SAFB2: variants seen among roughly 807,000 people sequenced by gnomAD.
SAFB2 encodes scaffold attachment factor B2.
A neutral mutation model predicts 100.6 loss-of-function variants in SAFB2; 32 were observed. That is an observed-to-expected ratio of 0.32 (90% CI 0.24 to 0.43). The LOEUF (loss-of-function observed/expected upper bound fraction) is 0.43. Among genes scored for constraint, SAFB2 ranks in the 20% least tolerant of loss-of-function variants. The pLI, the probability that SAFB2 is intolerant of heterozygous loss-of-function variation, is 1.00. For missense variants in SAFB2, 1,185 were observed against 1,163.4 expected (o/e 1.02, Z -0.27); for synonymous variants, 500 against 439.4 (o/e 1.14, Z -1.72).
At chr19:5,594,258 T>C (rs2052488732) in intron 14 of SAFB2, 80 bp from the exon 15 acceptor site, 1 of 1,437,282 alleles carries the variant, frequency 7.0e-7, no homozygotes, top group East Asian at 2.5e-5. Flanking sequence ...ACTGGGTGTG[T>C]ATTGGAAGCA....
Position 5,592,766 on chromosome 19 carries a change from G to C in SAFB2, c.2329C>G (p.Gln777Glu). 1 of 1,614,160 alleles carries C rather than the reference G, an allele frequency of 6.2e-7. No individual in the cohort carries two copies. The stretch of plus-strand genomic sequence containing the variant: ...ACTGACCTGTCGATGGCGTGGTCCT[G>C]GTACTGGCCCCGGTCTCGATGATCG... Reference protein sequence around the residue: ...DFDHRDRGQYQDHAIDRREGS... With the variant: ...DFDHRDRGQYEDHAIDRREGS... Residue 777 changes from glutamine to glutamate, a missense_variant, in exon 16 of 21, where the codon CAG (glutamine) becomes GAG (glutamate). Gln to Glu is a conservative substitution (Grantham distance 29). Transcript: ENST00000252542.
intron 17 of SAFB2, chr19:5,591,194 C>T (rs368302051): frequency 1.2e-4 from 19 of 152,194 alleles, no homozygotes; most frequent in East Asian, 5.8e-4. Context: ...AGGTTTCTAC[C>T]GGATACAATG....
chr19:5,603,854 GGAT>G (rs752216983), intron 11 of SAFB2, among the ~76,000 whole-genome samples: 13 of 152,178 alleles, frequency 8.5e-5, no homozygotes, highest in Non-Finnish European at 1.6e-4. Context: ...AAATTCCTTT[GGAT>G]GATGCTTTAT....
At chr19:5,613,031 T>G (rs1206681022) in intron 5 of SAFB2, among the ~76,000 whole-genome samples, 1 of 152,250 alleles carries the variant, frequency 6.6e-6, no homozygotes, top group African/African-American at 2.4e-5. Flanking sequence ...ATAGGTCCAA[T>G]CCTTCTGGTG....
rs2052266716 is a variant in SAFB2 at position 5,587,101 on chromosome 19, A to AG, written c.*141_*142insC. On this transcript the variant is annotated 3_prime_UTR_variant, in exon 21 of 21. Coordinates refer to ENST00000252542, the MANE Select transcript of SAFB2 (RefSeq NM_014649.3). This position sits in a 1 kb window ranked among gnomAD's most constrained non-coding sequence, Gnocchi z 4.9. ...AACACATTTATTTAAAAAAAAAAAA[A>AG]AAGTGAGTTCACATTGTATTGAGCT... 1 of 1,123,734 alleles carries AG rather than the reference A, an allele frequency of 8.9e-7. No homozygotes were observed. Among genetic ancestry groups the AG allele is most frequent in the Non-Finnish European group, 1.2e-6 (1 of 801,184 alleles). The allele number at this position is 1,123,734 out of a possible 1,614,324, so 69.6% of individuals were successfully genotyped here. A position where few individuals can be genotyped will look rare whatever the true frequency, so the allele number is the denominator to read the frequency against.
chr19:5,610,279 G>A (rs1050282925), intron 8 of SAFB2, 184 bp from the exon 9 acceptor site: 4 of 604,348 alleles, frequency 6.6e-6, no homozygotes, highest in Non-Finnish European at 1.2e-5. Context: ...CAAAAACTGA[G>A]TTTCCTTACT....
chr19:5,587,877 T>G lies in SAFB2; in HGVS notation c.2629A>C (p.Arg877=), dbSNP rs762492802. 6.2e-7 allele frequency: 1 copy of G among 1,611,076 alleles called. No individual in the cohort carries two copies. Among genetic ancestry groups the G allele is most frequent in the African/African-American group, 1.3e-5 (1 of 75,024 alleles). The part of the protein sequence containing the change: ...DAGAASREHA[R]WQGGERGLSG... ...GGAGCCAGCCCCGTACCTTGCCACC[T>G]GGCGTGCTCCCGGCTAGCCGCGCCT... is the stretch of plus-strand genomic sequence containing the variant. Residue 877 remains arginine (R), a synonymous_variant, in exon 19 of 21, where the codon AGG becomes CGG. Coordinates refer to ENST00000252542, the MANE Select transcript of SAFB2 (RefSeq NM_014649.3). The surrounding 1 kb of genome is among the most constrained non-coding windows in gnomAD (Gnocchi z 4.9).
At chr19:5,591,430 C>T in intron 17 of SAFB2, 1 of 236,944 alleles carries the variant, frequency 4.2e-6, no homozygotes, top group South Asian at 6.8e-5. Flanking sequence ...AGGCACTCGC[C>T]ACCATGCCTG....
chr19:5,595,415 T>C lies in SAFB2; in HGVS notation c.1865A>G (p.Glu622Gly). 1.2e-6 allele frequency: 2 copies of C among 1,613,558 alleles called. No homozygotes were observed. The highest frequency in any genetic ancestry group is 1.1e-5 in the South Asian group (1 of 91,076). ...TTCCCGCTGCCTCTGGCGCTCTCTC[T>C]CCCTTTGTTCTTTGATTTTATCAAA... ...LSFDKIKEQR[E>G]RERQRQRERE... Residue 622 changes from glutamate to glycine, a missense_variant, in exon 14 of 21, where the codon GAG becomes GGG. Physicochemically the swap from Glu to Gly is moderately conservative, Grantham distance 98. Coordinates refer to ENST00000252542, the MANE Select transcript of SAFB2 (RefSeq NM_014649.3).
At chr19:5,607,711 G>A (rs1246581083) in intron 9 of SAFB2, among the ~76,000 whole-genome samples, 2 of 152,250 alleles carry the variant, frequency 1.3e-5, no homozygotes, top group Non-Finnish European at 2.9e-5. Context: ...CCGGGACACA[G>A]GAGTCCTGGT....
At chr19:5,593,197 T>C (rs997077675) in intron 15 of SAFB2, among the ~76,000 whole-genome samples, 2 of 152,190 alleles carry the variant, frequency 1.3e-5, no homozygotes, top group African/African-American at 4.8e-5. Context: ...AAAGAAATAT[T>C]TGATTCTTCT....
At chr19:5,616,589 T>A in intron 2 of SAFB2, 103 bp from the exon 3 acceptor site, 1 of 945,550 alleles carries the variant, frequency 1.1e-6, no homozygotes, top group East Asian at 2.5e-5. Context: ...CATTACAAGA[T>A]AAACTATAAG....
At chr19:5,601,389 CT>C (rs2052653637) in intron 11 of SAFB2, among the ~76,000 whole-genome samples, 1 of 152,104 alleles carries the variant, frequency 6.6e-6, no homozygotes, top group Non-Finnish European at 1.5e-5. Flanking sequence ...ACACTGCTTA[CT>C]TTTGTCACCT....
At chr19:5,619,211 C>T (rs2053093666) in intron 2 of SAFB2, among the ~76,000 whole-genome samples, 1 of 152,184 alleles carries the variant, frequency 6.6e-6, no homozygotes. Context: ...TAGCCACGTG[C>T]CCCGACACCT....
At chr19:5,609,516 C>G (rs1204654451) in intron 9 of SAFB2, among the ~76,000 whole-genome samples, 1 of 152,082 alleles carries the variant, frequency 6.6e-6, no homozygotes, top group Non-Finnish European at 1.5e-5. Context: ...GTTGGCCAGG[C>G]TGGTCTCCAA....
rs376325851 is a variant in SAFB2 at position 5,610,058 on chromosome 19, G to A, written c.1233C>T (p.Val411=). 8.1e-6 allele frequency: 13 copies of A among 1,614,198 alleles called. No individual in the cohort carries two copies. In the South Asian group the frequency reaches 1.1e-4, roughly 14 times the overall value. ...VGSGSGRNLW[V]SGLSSTTRAT... is the part of the protein sequence containing the mutation. ...CGCGTGTTGTGGAGGACAGCCCGCT[G>A]ACCCACAGGTTCCGACCAGAACCGC... Residue 411 remains valine (V), a synonymous_variant, in exon 9 of 21, where the codon GTC becomes GTT. Transcript: ENST00000252542.
intron 18 of SAFB2, among the ~76,000 whole-genome samples, chr19:5,589,567 G>A (rs936875799): frequency 3.4e-4 from 51 of 152,082 alleles, no homozygotes; most frequent in Non-Finnish European, 6.0e-4. Flanking sequence ...CAGCCGCAAA[G>A]CAGTCCTGCC....
chr19:5,619,629 G>C (rs141169596), intron 2 of SAFB2, among the ~76,000 whole-genome samples: 7,217 of 152,212 alleles, frequency 0.047, 444 homozygotes, highest in African/African-American at 0.14. Context: ...CACCTGAGGT[G>C]AGGAGTTCGA....
intron 14 of SAFB2, 27 bp downstream of exon 14, chr19:5,595,334 C>G (rs756517933): frequency 6.2e-7 from 1 of 1,602,040 alleles, no homozygotes; most frequent in Admixed American, 1.7e-5. Flanking sequence ...AAACCACCAG[C>G]CCACAGCCTC....
Sources: gnomAD v4.1 joint callset for allele counts (sites outside exome capture counted in the v4.1 genomes callset) on GRCh38, gnomAD v4.1.1 for gene constraint, Gnocchi (gnomAD v3.1) non-coding constraint, MANE v1.5 for transcripts, NCBI Gene and HGNC (gene_info 2026-07-23, HGNC 2026-07-21) for gene names.